ESRRG: variants seen among roughly 807,000 people sequenced by gnomAD.
The protein encoded by ESRRG is estrogen related receptor gamma, also known as estrogen-related receptor gamma.
Under a neutral mutation model 44.0 loss-of-function variants are expected in ESRRG, and 13 were observed. The ratio of observed to expected loss-of-function variants is 0.30; its 90% confidence interval spans 0.19 to 0.47. ESRRG has a LOEUF of 0.47. Among genes scored for constraint, ESRRG ranks in the 20% least tolerant of loss-of-function variants. The probability of loss-of-function intolerance (pLI) is 1.00; values close to 1 mark genes in which losing one functional copy is unlikely to be tolerated. For synonymous variants in ESRRG, 215 were observed against 214.6 expected (o/e 1.00, Z -0.02); for missense variants, 395 against 580.6 (o/e 0.68, Z 3.29).
chr1:216,852,486 C>T (rs12060355), intron 2 of ESRRG, among the ~76,000 whole-genome samples: 5,102 of 152,176 alleles, frequency 0.034, 300 homozygotes, highest in African/African-American at 0.11. Context: ...CTATTTAGTA[C>T]ACATTTTGGC....
At chr1:216,611,151 C>T (rs752767451) in intron 3 of ESRRG, among the ~76,000 whole-genome samples, 1 of 135,404 alleles carries the variant, frequency 7.4e-6, no homozygotes, top group Admixed American at 8.7e-5. Context: ...TGCAGTGAGC[C>T]GAGATCATGC....
intron 3 of ESRRG, among the ~76,000 whole-genome samples, chr1:216,606,525 G>A (rs368243339): frequency 1.3e-5 from 2 of 151,846 alleles, no homozygotes; most frequent in Non-Finnish European, 2.9e-5. Flanking sequence ...TTTTATTGCC[G>A]CTTTCCCTTA....
At chr1:216,977,523 C>A (rs573051769) in intron 1 of ESRRG, among the ~76,000 whole-genome samples, 1 of 152,134 alleles carries the variant, frequency 6.6e-6, no homozygotes, top group Middle Eastern at 3.4e-3. Flanking sequence ...AAGCTGTAAC[C>A]CTTACTGAAT....
intron 3 of ESRRG, among the ~76,000 whole-genome samples, chr1:216,625,063 C>A (rs140152478): frequency 6.6e-6 from 1 of 152,146 alleles, no homozygotes; most frequent in Non-Finnish European, 1.5e-5. Context: ...TCAGATTTAA[C>A]TCTGAATGCT....
chr1:216,841,384 G>A (rs1028031847), intron 2 of ESRRG, among the ~76,000 whole-genome samples: 19 of 152,164 alleles, frequency 1.2e-4, no homozygotes, highest in Admixed American at 1.2e-3. Flanking sequence ...AACACCAGGG[G>A]CTGGCAATCT....
At chr1:216,822,025 G>A (rs548636574) in intron 2 of ESRRG, among the ~76,000 whole-genome samples, 16 of 152,082 alleles carry the variant, frequency 1.1e-4, no homozygotes, top group Non-Finnish European at 1.9e-4. Context: ...TGTCACAAAC[G>A]TATTCATCTT....
chr1:216,685,092 A>G (rs2151626114), intron 1 of ESRRG, among the ~76,000 whole-genome samples: 1 of 152,294 alleles, frequency 6.6e-6, no homozygotes, highest in East Asian at 1.9e-4. Flanking sequence ...CCAAAAGCCT[A>G]AAGACTGAAG....
rs530792426 is a variant in ESRRG at position 216,913,423 on chromosome 1, G to A, written c.-14+26159C>T. On this transcript the variant is annotated intron_variant, in intron 2 of 7. Transcript: ENST00000359162. Reference sequence around the variant, plus strand: ...GGAAACAATCCTTCATGGATACTGAGGAATGAATGAATATGCATCCTTTAT... The same window carrying A: ...GGAAACAATCCTTCATGGATACTGAAGAATGAATGAATATGCATCCTTTAT... Among the ~76,000 whole-genome samples the A allele has an allele frequency of 5.9e-5, 9 of 152,168 alleles. No homozygotes were observed. The East Asian group carries it at 9.7e-4, about 16-fold the overall frequency.
chr1:216,923,894 C>T (rs559416474), intron 2 of ESRRG, among the ~76,000 whole-genome samples: 1 of 152,304 alleles, frequency 6.6e-6, no homozygotes, highest in Non-Finnish European at 1.5e-5. Flanking sequence ...GCCATTACTG[C>T]ACCACCAGGC....
intron 1 of ESRRG, among the ~76,000 whole-genome samples, chr1:216,979,067 C>T (rs928285706): frequency 1.2e-4 from 18 of 152,014 alleles, no homozygotes; most frequent in African/African-American, 3.9e-4. Context: ...CCCATTTTTG[C>T]CTTTTTATTT....
At chr1:217,117,986 C>T (rs556395220) in intron 1 of ESRRG, among the ~76,000 whole-genome samples, 2 of 152,268 alleles carry the variant, frequency 1.3e-5, no homozygotes, top group African/African-American at 2.4e-5. Context: ...TCTTTGTCAC[C>T]ATAAAGTCCA....
chr1:216,697,665 T>C (rs950101806), intron 1 of ESRRG, among the ~76,000 whole-genome samples: 6 of 152,192 alleles, frequency 3.9e-5, no homozygotes, highest in African/African-American at 1.2e-4. Context: ...TGCTAAGAAT[T>C]AAGGTTGTGT....
At chr1:216,966,711 G>A (rs1345784076) in intron 1 of ESRRG, among the ~76,000 whole-genome samples, 1 of 152,008 alleles carries the variant, frequency 6.6e-6, no homozygotes, top group African/African-American at 2.4e-5. Context: ...GTCTACTTCA[G>A]TCTATTCCTG....
At chr1:216,864,709 T>G (rs1438614136) in intron 2 of ESRRG, 1 of 120,126 alleles carries the variant, frequency 8.3e-6, no homozygotes, top group African/African-American at 4.5e-5. Flanking sequence ...TGGGGGTTGA[T>G]AGTCAGCGTG....
At chr1:216,595,066 GA>G (rs1436674691) in intron 3 of ESRRG, among the ~76,000 whole-genome samples, 1 of 152,198 alleles carries the variant, frequency 6.6e-6, no homozygotes, top group African/African-American at 2.4e-5. Flanking sequence ...ACTTGTGTGA[GA>G]GCAGGAAATC....
intron 2 of ESRRG, among the ~76,000 whole-genome samples, chr1:216,800,860 C>T (rs982943480): frequency 4.6e-5 from 7 of 152,080 alleles, no homozygotes; most frequent in Admixed American, 2.6e-4. Context: ...ACATGCATTC[C>T]GACCTTAGGA....
At chr1:217,070,642 A>G (rs968829226) in intron 1 of ESRRG, among the ~76,000 whole-genome samples, 10 of 152,224 alleles carry the variant, frequency 6.6e-5, no homozygotes, top group Non-Finnish European at 1.5e-4. Context: ...TTGGCCTCCC[A>G]AAGTGCTGGC....
intron 3 of ESRRG, among the ~76,000 whole-genome samples, chr1:216,623,926 G>A (rs1574301839): frequency 6.6e-6 from 1 of 151,674 alleles, no homozygotes; most frequent in African/African-American, 2.4e-5. Flanking sequence ...ATATATTCAG[G>A]TGGTCCAAAT....
At chr1:216,599,190 A>G (rs72737329) in intron 3 of ESRRG, among the ~76,000 whole-genome samples, 21,862 of 152,176 alleles carry the variant, frequency 0.14, 2,146 homozygotes, top group Non-Finnish European at 0.21. Flanking sequence ...TCAACCCACA[A>G]TTAAAGATCT....
Sources: allele counts gnomAD v4.1 joint callset (sites outside exome capture counted in the v4.1 genomes callset), GRCh38; gene constraint gnomAD v4.1.1; transcripts MANE v1.5; gene names NCBI Gene and HGNC (gene_info 2026-07-23, HGNC 2026-07-21).